Variants in DNAH14 observed in about 807,000 individuals in gnomAD.
DNAH14 encodes dynein axonemal heavy chain 14.
A neutral mutation model predicts 520.9 loss-of-function variants in DNAH14; 478 were observed. The ratio of observed to expected loss-of-function variants is 0.92; its 90% CI spans 0.85 to 0.99. DNAH14 has a LOEUF of 0.99. DNAH14 is among the 50% of genes least tolerant of loss of function. The pLI is 0.00. For synonymous variants in DNAH14, 1,581 were observed against 1,757.2 expected, an observed-to-expected ratio of 0.90 and a Z score of 2.51; for missense variants, 4,831 against 5,234.5, an observed-to-expected ratio of 0.92 and a Z score of 2.38.
At chr1:224,940,578 A>G (rs2059350262) in intron 1 of DNAH14, among the ~76,000 whole-genome samples, 1 of 151,990 alleles carries the variant, frequency 6.6e-6, no homozygotes, top group Admixed American at 6.6e-5. Context: ...TGTGCAGGTT[A>G]GTTACATATG....
Position 225,123,363 on chromosome 1 carries a change from C to T in DNAH14, c.4167-164C>T, listed in dbSNP as rs77835374. Among the ~76,000 whole-genome samples, 589 of 152,206 alleles carry T rather than the reference C, an allele frequency of 3.9e-3. 5 individuals are homozygous for T. Among genetic ancestry groups the T allele is most frequent in the African/African-American group, 0.013 (557 of 41,528 alleles). ...AATTTAAGGAGTATGCATTATGCTT[C>T]GATTAAGGCTCTGTTACCTTTATTT... On this transcript the variant is annotated intron_variant, in intron 26 of 85. Transcript: ENST00000682510.
At chr1:225,370,618 G>A (rs2095607958) in intron 77 of DNAH14, among the ~76,000 whole-genome samples, 1 of 151,792 alleles carries the variant, frequency 6.6e-6, no homozygotes, top group African/African-American at 2.4e-5. Flanking sequence ...GCTATACTTA[G>A]GAAATAAAAG....
chr1:225,101,394 G>A (rs1225820091), intron 23 of DNAH14, among the ~76,000 whole-genome samples: 1 of 151,968 alleles, frequency 6.6e-6, no homozygotes, highest in Non-Finnish European at 1.5e-5. Context: ...ATTTTTAAAT[G>A]TAAAATTAAA....
At chr1:225,253,101 G>A (rs961509710) in intron 44 of DNAH14, among the ~76,000 whole-genome samples, 1 of 152,164 alleles carries the variant, frequency 6.6e-6, no homozygotes, top group African/African-American at 2.4e-5. Flanking sequence ...CTATCAGAAT[G>A]CTAAAGCATC....
At chr1:225,217,403 G>A (rs1023836227) in intron 41 of DNAH14, among the ~76,000 whole-genome samples, 3 of 152,160 alleles carry the variant, frequency 2.0e-5, no homozygotes, top group South Asian at 2.1e-4. Flanking sequence ...ACTCCATGCT[G>A]GGAGAAGCAC....
At chr1:225,081,085 T>A (rs1326256920) in intron 19 of DNAH14, among the ~76,000 whole-genome samples, 1 of 152,240 alleles carries the variant, frequency 6.6e-6, no homozygotes, top group East Asian at 1.9e-4. Context: ...AATCATTCAT[T>A]ATCTTTTGGG....
intron 52 of DNAH14, 54 bp downstream of exon 52, chr1:225,273,179 TC>T: frequency 6.7e-7 from 1 of 1,489,112 alleles, no homozygotes. Context: ...ACGCCTGTAA[TC>T]CCAGCACTTT....
chr1:224,948,310 T>C (rs1422463216), intron 1 of DNAH14, among the ~76,000 whole-genome samples: 1 of 152,056 alleles, frequency 6.6e-6, no homozygotes, highest in African/African-American at 2.4e-5. Flanking sequence ...AATGAAAATT[T>C]AGTCACTATG....
intron 27 of DNAH14, among the ~76,000 whole-genome samples, chr1:225,124,519 C>G (rs2148900220): frequency 6.6e-6 from 1 of 152,344 alleles, no homozygotes; most frequent in African/African-American, 2.4e-5. Flanking sequence ...AAACAACTTT[C>G]TTTGCTCATC....
At chr1:225,342,372 A>G (rs1234093413) in intron 69 of DNAH14, among the ~76,000 whole-genome samples, 1 of 152,182 alleles carries the variant, frequency 6.6e-6, no homozygotes, top group Non-Finnish European at 1.5e-5. Context: ...TCACTGAATG[A>G]GCAATCAAAA....
intron 60 of DNAH14, among the ~76,000 whole-genome samples, chr1:225,310,665 T>C (rs2094345636): frequency 6.6e-6 from 1 of 152,184 alleles, no homozygotes; most frequent in African/African-American, 2.4e-5. Context: ...TTCTCATTGT[T>C]CAACTCCCAT....
At chr1:224,966,791 A>G (rs904001671) in intron 5 of DNAH14, among the ~76,000 whole-genome samples, 1 of 152,118 alleles carries the variant, frequency 6.6e-6, no homozygotes, top group African/African-American at 2.4e-5. Flanking sequence ...GGCTCAAGTG[A>G]CCTCACCTCA....
chr1:225,336,960 G>A (rs2095069967), intron 66 of DNAH14, among the ~76,000 whole-genome samples: 2 of 152,084 alleles, frequency 1.3e-5, no homozygotes, highest in Admixed American at 1.3e-4. Flanking sequence ...TATTGTATGC[G>A]TTAGAGTCTA....
chr1:225,147,293 A>G, intron 31 of DNAH14, 44 bp downstream of exon 31: 3 of 1,483,338 alleles, frequency 2.0e-6, no homozygotes, highest in Non-Finnish European at 2.7e-6. Context: ...GAAATCTGAT[A>G]CACACTTAAT....
At chr1:224,986,318 T>TAAAAAAAAAAAAAAAAAAAAGAAAAA (rs2062634882) in intron 8 of DNAH14, among the ~76,000 whole-genome samples, 1 of 87,880 alleles carries the variant, frequency 1.1e-5, no homozygotes, top group Non-Finnish European at 2.7e-5. Flanking sequence ...AAAGGCTTAT[T>TAAAAAAAAAAAAAAAAAAAAGAAAAA]AAAAAAAAAA....
rs1393318087 is a variant in DNAH14 at position 225,027,288 on chromosome 1, G to C, written c.1358+3423G>C. On this transcript the variant is annotated intron_variant, in intron 11 of 85. Coordinates refer to ENST00000682510, the MANE Select transcript of DNAH14 (RefSeq NM_001367479.1). Reference sequence around the variant, plus strand: ...TCTGGCTAGTAAGTACTTCAATACAGTGTTGATTAGGAATGGTGAAAGCGA... The same window carrying C: ...TCTGGCTAGTAAGTACTTCAATACACTGTTGATTAGGAATGGTGAAAGCGA... Among the ~76,000 whole-genome samples, 3 of 152,040 alleles carry C rather than the reference G, an allele frequency of 2.0e-5. 1 individual carries two copies. The highest frequency in any genetic ancestry group is 4.4e-5 in the Non-Finnish European group (3 of 68,004).
chr1:225,183,302 A>C (rs1262779042), intron 36 of DNAH14, among the ~76,000 whole-genome samples: 2 of 152,252 alleles, frequency 1.3e-5, no homozygotes, highest in African/African-American at 4.8e-5. Context: ...CCATGAATAA[A>C]TATCAATGGC....
At chr1:225,134,210 C>G (rs1021936588) in intron 27 of DNAH14, among the ~76,000 whole-genome samples, 31 of 152,006 alleles carry the variant, frequency 2.0e-4, no homozygotes, top group Admixed American at 1.6e-3. Flanking sequence ...ATTTGAATAC[C>G]CTTTATTTCT....
intron 23 of DNAH14, among the ~76,000 whole-genome samples, chr1:225,104,970 G>A (rs1266788182): frequency 6.6e-6 from 1 of 152,028 alleles, no homozygotes; most frequent in Admixed American, 6.6e-5. Flanking sequence ...TCTTTTAATT[G>A]TGATGTTAGG....
Sources: allele counts gnomAD v4.1 joint callset (sites outside exome capture counted in the v4.1 genomes callset), GRCh38; gene constraint gnomAD v4.1.1; transcripts MANE v1.5; gene names NCBI Gene and HGNC (gene_info 2026-07-23, HGNC 2026-07-21).